The following MEGF10 variants were observed in gnomAD, a reference collection of about 807,000 sequenced individuals.
The protein encoded by MEGF10 is multiple epidermal growth factor-like domains protein 10.
MEGF10 carries 86 observed loss-of-function variants against 147.5 expected under a neutral mutation model. That is an observed-to-expected ratio of 0.58 (90% CI 0.49 to 0.70). The LOEUF (loss-of-function observed/expected upper bound fraction) is 0.70. Among genes scored for constraint, MEGF10 ranks in the 30% least tolerant of loss-of-function variants. MEGF10 has a pLI of 0.00. For missense variants in MEGF10, 1,329 were observed against 1,487.3 expected, an observed-to-expected ratio of 0.89 and a Z score of 1.75; for synonymous variants, 478 against 525.5, an observed-to-expected ratio of 0.91 and a Z score of 1.24.
rs201114483 is a variant in MEGF10, at chr5:127,396,533, C to T, written c.414C>T (p.Ala138=). The change falls in exon 6 of 25, where the codon GCC becomes GCT. Residue 138 remains alanine (A), a splice_region_variant and synonymous_variant. Transcript: ENST00000503335. ...CACTGTTTCTCTCCTCAATCTCAGC[C>T]TGCGATGGTGATCACTGGGGTCCCC... The part of the protein sequence containing the change: ...PGWGGTNCSS[A]CDGDHWGPHC... The T allele has an allele frequency of 1.3e-6, 2 of 1,538,092 alleles. No individual in the cohort carries two copies. Among genetic ancestry groups the T allele is most frequent in the Non-Finnish European group, 8.8e-7 (1 of 1,139,398 alleles).
the MEGF10 span, among the ~76,000 whole-genome samples, chr5:127,262,587 T>C: frequency 8.5e-5 from 13 of 152,290 alleles, no homozygotes; most frequent in African/African-American, 2.6e-4. Context: ...ATGCCTCCTT[T>C]TGTTCAAAGA....
chr5:127,384,092 C>G (rs1763346319), intron 5 of MEGF10, among the ~76,000 whole-genome samples: 1 of 152,230 alleles, frequency 6.6e-6, no homozygotes, highest in African/African-American at 2.4e-5. Flanking sequence ...TTTCTCTCCA[C>G]TGCCCAAAGG....
chr5:127,413,006 T>A (rs1244361965), intron 9 of MEGF10, among the ~76,000 whole-genome samples: 1 of 152,318 alleles, frequency 6.6e-6, no homozygotes, highest in Non-Finnish European at 1.5e-5. Flanking sequence ...ATACACTTTT[T>A]AAGCCTTTGG....
At chr5:127,455,741 T>C in intron 24 of MEGF10, 134 bp downstream of exon 24, 1 of 722,312 alleles carries the variant, frequency 1.4e-6, no homozygotes, top group Non-Finnish European at 2.1e-6. Flanking sequence ...TTTTATTTTA[T>C]TTTATTTTAT....
intron 5 of MEGF10, among the ~76,000 whole-genome samples, chr5:127,392,788 A>G (rs1763752202): frequency 6.6e-6 from 1 of 152,156 alleles, no homozygotes; most frequent in African/African-American, 2.4e-5. Context: ...TCACTTACGG[A>G]CTGGAGCTTG....
intron 19 of MEGF10, among the ~76,000 whole-genome samples, chr5:127,443,808 A>G (rs962258892): frequency 3.3e-5 from 5 of 152,204 alleles, no homozygotes; most frequent in Admixed American, 6.5e-5. Context: ...TTGTATGGAT[A>G]TACTATAATT....
chr5:127,267,156 C>T, the MEGF10 span, among the ~76,000 whole-genome samples: 4 of 152,098 alleles, frequency 2.6e-5, no homozygotes, highest in African/African-American at 9.7e-5. Flanking sequence ...TGTCAAAGAC[C>T]TTTTCTGCAT....
chr5:127,301,354 A>G (rs954541036), intron 1 of MEGF10, among the ~76,000 whole-genome samples: 3 of 152,190 alleles, frequency 2.0e-5, no homozygotes, highest in Admixed American at 1.3e-4. Context: ...CTTTTATAAT[A>G]TGGAGTTGGT....
chr5:127,261,858 T>G, the MEGF10 span, among the ~76,000 whole-genome samples: 3 of 152,208 alleles, frequency 2.0e-5, no homozygotes, highest in African/African-American at 7.2e-5. Context: ...CCCTAATGTC[T>G]AATAATATTG....
intron 21 of MEGF10, 141 bp from the exon 22 acceptor site, chr5:127,448,958 C>A: frequency 2.0e-6 from 2 of 1,013,206 alleles, no homozygotes; most frequent in Non-Finnish European, 2.8e-6. Context: ...AGGTTACAAG[C>A]AGTCACCTCG....
At chr5:127,420,948 A>C (rs1042754337) in intron 12 of MEGF10, among the ~76,000 whole-genome samples, 1 of 152,292 alleles carries the variant, frequency 6.6e-6, no homozygotes, top group Middle Eastern at 3.4e-3. Context: ...GCGAGTTAAC[A>C]ATGTGACCCC....
chr5:127,398,404 G>A (rs1161705604), intron 6 of MEGF10, among the ~76,000 whole-genome samples: 3 of 152,082 alleles, frequency 2.0e-5, no homozygotes, highest in African/African-American at 7.2e-5. Flanking sequence ...TGAGTGTTTG[G>A]CCAGTTTTCT....
At chr5:127,270,386 A>C in the MEGF10 span, among the ~76,000 whole-genome samples, 2 of 152,316 alleles carry the variant, frequency 1.3e-5, no homozygotes, top group Admixed American at 1.3e-4. Context: ...GGATGGAGGA[A>C]GATCTACCAA....
rs764991952 is a variant in MEGF10 at position 127,449,079 on chromosome 5, G to A, written c.2857-20G>A. On this transcript the variant is annotated intron_variant, in intron 21 of 24. Coordinates refer to ENST00000503335, the MANE Select transcript of MEGF10 (RefSeq NM_001256545.2). ...CATTGTATTTTGTTTTTAATCTTTCGTTGTTTATATTTTTAACAGTCAAAA... is the reference window on the plus strand; with the variant it reads ...CATTGTATTTTGTTTTTAATCTTTCATTGTTTATATTTTTAACAGTCAAAA... The A allele has an allele frequency of 5.6e-6, 9 of 1,613,290 alleles. No homozygotes were observed. The highest frequency in any genetic ancestry group is 1.7e-4 in the Middle Eastern group (1 of 6,030).
rs922486096 is a variant in MEGF10 at position 127,357,232 on chromosome 5, G to C, written c.320-12678G>C. Among the ~76,000 whole-genome samples, 4 of 152,006 alleles carry C rather than the reference G, an allele frequency of 2.6e-5. No homozygotes were observed. The South Asian group carries it at 8.3e-4, about 32-fold the overall frequency. On this transcript the variant is annotated intron_variant, in intron 4 of 24. Transcript: ENST00000503335. Reference sequence around the variant, plus strand: ...TGCGTATTTTACTGCCTCATTGATGGGGACAACTTCTTCTAGACCTCTCCC... The same window carrying C: ...TGCGTATTTTACTGCCTCATTGATGCGGACAACTTCTTCTAGACCTCTCCC...
At chr5:127,438,348 A>G in intron 16 of MEGF10, 91 bp from the exon 17 acceptor site, 1 of 1,405,192 alleles carries the variant, frequency 7.1e-7, no homozygotes, top group South Asian at 1.3e-5. Context: ...AACCTCTCAC[A>G]TGCAGGGAGA....
intron 12 of MEGF10, among the ~76,000 whole-genome samples, chr5:127,420,758 T>C (rs1764966294): frequency 1.3e-5 from 2 of 152,234 alleles, no homozygotes; most frequent in African/African-American, 4.8e-5. Flanking sequence ...TACAGGTCAT[T>C]AGAAATCTCA....
chr5:127,282,383 A>G, the MEGF10 span, among the ~76,000 whole-genome samples: 1 of 152,132 alleles, frequency 6.6e-6, no homozygotes, highest in Non-Finnish European at 1.5e-5. Context: ...TGGTTTTCTG[A>G]TGCCTTTTAT....
intron 22 of MEGF10, among the ~76,000 whole-genome samples, chr5:127,450,558 C>T (rs575421445): frequency 2.1e-4 from 32 of 152,162 alleles, no homozygotes; most frequent in African/African-American, 6.5e-4. Flanking sequence ...AATCCTTTCA[C>T]GTACATTTAT....
Sources: allele counts gnomAD v4.1 joint callset (sites outside exome capture counted in the v4.1 genomes callset), GRCh38; gene constraint gnomAD v4.1.1; transcripts MANE v1.5; gene names NCBI Gene and HGNC (gene_info 2026-07-23, HGNC 2026-07-21).